The following TENM4 variants were observed in gnomAD, a reference collection of about 807,000 sequenced individuals.
TENM4 encodes teneurin-4.
A neutral mutation model predicts 243.3 loss-of-function variants in TENM4; 82 were observed. The ratio of observed to expected loss-of-function variants is 0.34; its 90% CI spans 0.28 to 0.40. The LOEUF (loss-of-function observed/expected upper bound fraction) is 0.40. TENM4 is among the 10% of genes least tolerant of loss of function. The pLI is 1.00. For synonymous variants in TENM4, 1,412 were observed against 1,456.3 expected (o/e 0.97, Z 0.69); for missense variants, 3,138 against 3,673.3 (o/e 0.85, Z 3.77).
chr11:79,258,938 G>A (rs561889320), intron 2 of TENM4, among the ~76,000 whole-genome samples: 1 of 151,772 alleles, frequency 6.6e-6, no homozygotes, highest in East Asian at 1.9e-4. Flanking sequence ...TCCAGTCCTG[G>A]CCCCCCCCAC....
At chr11:79,070,786 G>A (rs1860394890) in intron 4 of TENM4, among the ~76,000 whole-genome samples, 1 of 152,184 alleles carries the variant, frequency 6.6e-6, no homozygotes, top group Non-Finnish European at 1.5e-5. Context: ...TAGGTGTCAA[G>A]TAAAAAAGCC....
At chr11:79,408,124 G>A (rs888884452) in intron 1 of TENM4, among the ~76,000 whole-genome samples, 7 of 152,198 alleles carry the variant, frequency 4.6e-5, no homozygotes, top group African/African-American at 9.6e-5. Flanking sequence ...GGCTGGTATC[G>A]AACTCCTGAC....
chr11:78,932,673 C>T (rs1856694867), intron 6 of TENM4, among the ~76,000 whole-genome samples: 3 of 152,134 alleles, frequency 2.0e-5, no homozygotes, highest in Admixed American at 1.3e-4. Flanking sequence ...GGGCCAGTCT[C>T]GTGGAAGACA....
intron 1 of TENM4, among the ~76,000 whole-genome samples, chr11:79,352,150 G>T (rs1857424994): frequency 1.3e-5 from 2 of 152,190 alleles, no homozygotes; most frequent in Non-Finnish European, 2.9e-5. Flanking sequence ...TCTTGTTCCT[G>T]AATATCTCCA....
Position 79,139,066 on chromosome 11 carries a change from TCTATAA to T in TENM4, c.-66+9638_-66+9643del, listed in dbSNP as rs1428053350. 1.1e-3 allele frequency among the ~76,000 whole-genome samples: 13 copies of T among 12,218 alleles called. 1 individual carries two copies. The highest frequency in any genetic ancestry group is 3.8e-3 in the South Asian group (1 of 266). 8.0% of individuals were successfully genotyped at this position (12,218 alleles called of 152,430 possible). ...AAATATATAAAATATATATTATATT[TCTATAA>T]ATATATATTATATTTCTATAAATAT... On this transcript the variant is annotated intron_variant, in intron 4 of 33. Transcript: ENST00000278550.
At chr11:79,220,142 T>G (rs1005267900) in intron 2 of TENM4, among the ~76,000 whole-genome samples, 1 of 152,216 alleles carries the variant, frequency 6.6e-6, no homozygotes, top group Non-Finnish European at 1.5e-5. Flanking sequence ...ACCCCCTGTT[T>G]AGGGAAGGCA....
At chr11:78,827,732 G>A (rs886906033) in intron 12 of TENM4, among the ~76,000 whole-genome samples, 2 of 151,960 alleles carry the variant, frequency 1.3e-5, no homozygotes, top group Admixed American at 6.6e-5. Flanking sequence ...CAGGTGATCT[G>A]CCTGCCTCAG....
intron 12 of TENM4, among the ~76,000 whole-genome samples, chr11:78,817,346 G>C (rs1857628233): frequency 6.6e-6 from 1 of 152,184 alleles, no homozygotes; most frequent in Non-Finnish European, 1.5e-5. Context: ...TAGTGAGTGG[G>C]CAATTCCACT....
At chr11:79,267,036 A>T (rs1855894755) in intron 2 of TENM4, among the ~76,000 whole-genome samples, 1 of 152,134 alleles carries the variant, frequency 6.6e-6, no homozygotes, top group Admixed American at 6.5e-5. Context: ...TCTCTCCACA[A>T]TCGCTTCTTC....
At chr11:79,066,489 C>T (rs958175897) in intron 5 of TENM4, among the ~76,000 whole-genome samples, 14 of 152,196 alleles carry the variant, frequency 9.2e-5, no homozygotes, top group Admixed American at 2.6e-4. Context: ...TATCTGAATC[C>T]AACACCTATC....
intron 18 of TENM4, among the ~76,000 whole-genome samples, chr11:78,769,341 T>C (rs921105148): frequency 6.6e-6 from 1 of 152,214 alleles, no homozygotes; most frequent in Non-Finnish European, 1.5e-5. Flanking sequence ...ATGATGTCTC[T>C]GAATAGAGAG....
intron 18 of TENM4, among the ~76,000 whole-genome samples, chr11:78,761,901 T>C (rs1856438699): frequency 6.6e-6 from 1 of 152,212 alleles, no homozygotes; most frequent in Non-Finnish European, 1.5e-5. Flanking sequence ...TGAGTCTCCC[T>C]GGCGCTGATG....
At position 79,382,843 on chromosome 11, in the gene TENM4, C is replaced by T. The variant is rs534012774; in HGVS notation, c.-321+57666G>A. ...GAATATTTATGAGACATTAAAACCACTGCCATCAACCCTTTAAAAAATTCC... is the reference window on the plus strand; with the variant it reads ...GAATATTTATGAGACATTAAAACCATTGCCATCAACCCTTTAAAAAATTCC... On this transcript the variant is annotated intron_variant, in intron 1 of 33. Coordinates refer to ENST00000278550, the MANE Select transcript of TENM4 (RefSeq NM_001098816.3). 2.0e-5 allele frequency among the ~76,000 whole-genome samples: 3 copies of T among 152,278 alleles called. No individual in the cohort carries two copies. The East Asian group carries it at 5.8e-4, about 29-fold the overall frequency.
At chr11:78,921,698 G>A (rs1486222076) in intron 6 of TENM4, among the ~76,000 whole-genome samples, 2 of 152,136 alleles carry the variant, frequency 1.3e-5, no homozygotes. Flanking sequence ...GGCAGCCTGG[G>A]GTCTTATTGA....
chr11:78,763,038 G>T (rs1856464375), intron 18 of TENM4, among the ~76,000 whole-genome samples: 2 of 152,074 alleles, frequency 1.3e-5, no homozygotes, highest in Non-Finnish European at 2.9e-5. Flanking sequence ...TATATCATAC[G>T]TAAGTTGGTT....
At chr11:79,107,870 T>G (rs1423368880) in intron 4 of TENM4, among the ~76,000 whole-genome samples, 1 of 152,174 alleles carries the variant, frequency 6.6e-6, no homozygotes, top group African/African-American at 2.4e-5. Context: ...ATTGGGAAAA[T>G]CAGATAACTT....
intron 19 of TENM4, among the ~76,000 whole-genome samples, chr11:78,747,465 TA>T (rs1345075686): frequency 1.3e-5 from 2 of 152,226 alleles, no homozygotes; most frequent in African/African-American, 4.8e-5. Flanking sequence ...GGGGCTGCTC[TA>T]AGTCCTTCTT....
intron 4 of TENM4, among the ~76,000 whole-genome samples, chr11:79,108,738 A>G (rs1238329141): frequency 6.6e-6 from 1 of 152,156 alleles, no homozygotes; most frequent in Non-Finnish European, 1.5e-5. Flanking sequence ...AAAAAGAGCT[A>G]TCCTCCTCCC....
intron 3 of TENM4, among the ~76,000 whole-genome samples, chr11:79,196,681 A>C (rs1044273775): frequency 3.3e-5 from 5 of 152,068 alleles, no homozygotes; most frequent in South Asian, 2.1e-4. Context: ...CAGGGGGTGC[A>C]TTCTCTTCTT....
Sources: allele counts gnomAD v4.1 joint callset (sites outside exome capture counted in the v4.1 genomes callset), GRCh38; gene constraint gnomAD v4.1.1; transcripts MANE v1.5; gene names NCBI Gene and HGNC (gene_info 2026-07-23, HGNC 2026-07-21).